Variants in RNF128 observed in about 807,000 individuals in gnomAD.
The protein encoded by RNF128 is E3 ubiquitin-protein ligase RNF128.
A neutral mutation model predicts 26.2 loss-of-function variants in RNF128; 13 were observed. The observed-to-expected ratio is 0.50, with a 90% CI of 0.32 to 0.79. RNF128 has a LOEUF of 0.79. Ranked by LOEUF, RNF128 falls within the 30% of genes least tolerant of loss-of-function variation. The pLI is 0.03. For missense variants in RNF128, 315 were observed against 349.7 expected, an observed-to-expected ratio of 0.90 and a Z score of 0.79; for synonymous variants, 149 against 142.5, an observed-to-expected ratio of 1.05 and a Z score of -0.32.
At chrX:106,781,075 T>A (rs1930556938) in intron 2 of RNF128, among the ~76,000 whole-genome samples, 1 of 111,683 alleles carries the variant, frequency 9.0e-6, no homozygotes, top group South Asian at 3.8e-4. Flanking sequence ...ATCAAGAAAG[T>A]CTGTTTATAT....
chrX:106,705,154 G>A (rs192159802), intron 1 of RNF128, among the ~76,000 whole-genome samples: 17 of 111,547 alleles, frequency 1.5e-4, no homozygotes, highest in African/African-American at 2.3e-4. Flanking sequence ...AAACTAACCC[G>A]CCCTAGGTTT....
At chrX:106,755,154 G>C (rs150473955) in intron 1 of RNF128, among the ~76,000 whole-genome samples, 2 of 111,647 alleles carry the variant, frequency 1.8e-5, no homozygotes, top group Non-Finnish European at 3.8e-5. Flanking sequence ...ATTGGAAAAC[G>C]TTGAAGAAAT....
At chrX:106,694,200 G>A in exon 1 of RNF128, 1 of 1,208,656 alleles carries the variant, frequency 8.3e-7, no homozygotes, top group Non-Finnish European at 1.1e-6. Context: ...CTATGGGAGT[G>A]GTAGGCATCC....
At chrX:106,723,569 A>AAC (rs1929349052), upstream of RNF128, among the ~76,000 whole-genome samples, 1 of 108,099 alleles carries the variant, frequency 9.3e-6, no homozygotes, top group Non-Finnish European at 1.9e-5. Context: ...CTCTGTCTAA[A>AAC]ATATATATAT....
chrX:106,747,635 C>G (rs918819700), intron 1 of RNF128, among the ~76,000 whole-genome samples: 1 of 111,547 alleles, frequency 9.0e-6, no homozygotes, highest in Admixed American at 9.5e-5. Context: ...TAGACTGTTT[C>G]AGGTTACCAG....
intron 1 of RNF128, among the ~76,000 whole-genome samples, chrX:106,739,028 T>A (rs1438505763): frequency 8.9e-6 from 1 of 111,998 alleles, no homozygotes; most frequent in African/African-American, 3.2e-5. Context: ...CCTTTTTGTC[T>A]TTCCAAATAC....
intron 2 of RNF128, among the ~76,000 whole-genome samples, chrX:106,775,474 C>T (rs1294295222): frequency 8.9e-6 from 1 of 111,755 alleles, no homozygotes; most frequent in Non-Finnish European, 1.9e-5. Context: ...TATAATACAT[C>T]TTATGATAAT....
At chrX:106,749,031 AG>A (rs2147679962) in intron 1 of RNF128, among the ~76,000 whole-genome samples, 1 of 112,097 alleles carries the variant, frequency 8.9e-6, no homozygotes, top group South Asian at 3.7e-4. Flanking sequence ...TAAAAAAGGA[AG>A]TGAATTTTTT....
At chrX:106,747,934 C>G (rs949452177) in intron 1 of RNF128, among the ~76,000 whole-genome samples, 1 of 111,966 alleles carries the variant, frequency 8.9e-6, no homozygotes, top group East Asian at 2.8e-4. Context: ...TTATTACTCT[C>G]TATAGCCCCA....
In RNF128 at chrX:106,796,055, T is replaced by C. The variant is rs900902985; in HGVS notation, c.*342T>C. The C allele has an allele frequency of 1.1e-3, 132 of 117,355 alleles. 1 individual carries two copies. The highest frequency in any genetic ancestry group is 4.0e-4 in the Non-Finnish European group (23 of 56,831). The allele number at this position is 117,355 out of a possible 1,213,427, so 9.7% of individuals were successfully genotyped here. ...AAATGTGGAGTAGCTGTAATCACTTTATTTTATGATAGTATCTTAATGAAA... is the reference window on the plus strand; with the variant it reads ...AAATGTGGAGTAGCTGTAATCACTTCATTTTATGATAGTATCTTAATGAAA... On this transcript the variant is annotated 3_prime_UTR_variant, in exon 7 of 7. Transcript: ENST00000255499.
intron 1 of RNF128, among the ~76,000 whole-genome samples, chrX:106,732,132 C>G (rs1271820271): frequency 9.0e-6 from 1 of 111,657 alleles, no homozygotes; most frequent in Non-Finnish European, 1.9e-5. Flanking sequence ...TGCCAACAGA[C>G]CTGTTTTTCT....
At chrX:106,790,726 A>G (rs1364736790) in intron 5 of RNF128, among the ~76,000 whole-genome samples, 1 of 111,231 alleles carries the variant, frequency 9.0e-6, no homozygotes, top group Non-Finnish European at 1.9e-5. Flanking sequence ...GGGAAGGTAC[A>G]TAGATGACAA....
intron 1 of RNF128, among the ~76,000 whole-genome samples, chrX:106,709,374 T>A (rs1405861769): frequency 9.0e-6 from 1 of 111,496 alleles, no homozygotes; most frequent in African/African-American, 3.3e-5. Context: ...GTTAGCAAAC[T>A]GATAAATATT....
intron 1 of RNF128, among the ~76,000 whole-genome samples, chrX:106,718,499 G>A (rs758191460): frequency 1.8e-5 from 2 of 110,777 alleles, no homozygotes; most frequent in Non-Finnish European, 3.8e-5. Context: ...GCTACACAGA[G>A]ACAGCTTAGA....
At chrX:106,694,824 T>C (rs1928849731) in intron 1 of RNF128, among the ~76,000 whole-genome samples, 1 of 111,912 alleles carries the variant, frequency 8.9e-6, no homozygotes, top group African/African-American at 3.2e-5. Context: ...AGTTTCATTA[T>C]GCTTAAATAA....
intron 2 of RNF128, among the ~76,000 whole-genome samples, chrX:106,784,438 T>C (rs1337605068): frequency 1.8e-5 from 2 of 111,982 alleles, no homozygotes; most frequent in Non-Finnish European, 3.8e-5. Flanking sequence ...CATCTAGATA[T>C]ATGCTCAGTG....
At chrX:106,773,271 T>C (rs753102578) in intron 2 of RNF128, 111 bp downstream of exon 2, 2 of 765,010 alleles carry the variant, frequency 2.6e-6, no homozygotes, top group African/African-American at 2.1e-5. Flanking sequence ...TCTCCCCATA[T>C]GTTTTACAAA....
intron 4 of RNF128, among the ~76,000 whole-genome samples, chrX:106,788,387 T>C (rs1930710362): frequency 2.1e-5 from 1 of 46,939 alleles, no homozygotes; most frequent in Non-Finnish European, 3.3e-5. Context: ...ATATTATATA[T>C]AATATATATT....
At chrX:106,712,077 T>G (rs759510108) in intron 1 of RNF128, among the ~76,000 whole-genome samples, 6 of 112,329 alleles carry the variant, frequency 5.3e-5, no homozygotes, top group Non-Finnish European at 1.1e-4. Context: ...AGCCCACCGG[T>G]GGTGGTTAAA....
Sources: gnomAD v4.1 joint callset for allele counts (sites outside exome capture counted in the v4.1 genomes callset) on GRCh38, gnomAD v4.1.1 for gene constraint, MANE v1.5 for transcripts, NCBI Gene and HGNC (gene_info 2026-07-23, HGNC 2026-07-21) for gene names.